The following SIRT1 variants were observed in gnomAD, a reference collection of about 807,000 sequenced individuals.
SIRT1 encodes the protein NAD-dependent protein deacetylase sirtuin-1.
Under a neutral mutation model 67.9 loss-of-function variants are expected in SIRT1, and 24 were observed. The observed-to-expected ratio is 0.35, with a 90% confidence interval of 0.26 to 0.50. The LOEUF (loss-of-function observed/expected upper bound fraction) is 0.50. SIRT1 is among the 20% of genes least tolerant of loss of function. The pLI, the probability that SIRT1 is intolerant of heterozygous loss-of-function variation, is 0.98. For missense variants in SIRT1, 873 were observed against 937.2 expected, an observed-to-expected ratio of 0.93 and a Z score of 0.89; for synonymous variants, 378 against 350.7, an observed-to-expected ratio of 1.08 and a Z score of -0.87.
chr10:67,915,276 C>T (rs984757760), intron 8 of SIRT1, among the ~76,000 whole-genome samples: 16 of 152,056 alleles, frequency 1.1e-4, no homozygotes, highest in Admixed American at 6.6e-4. Context: ...GTCTGGGATA[C>T]GGTACAATAA....
chr10:67,913,205 T>TG (rs1195061912), intron 8 of SIRT1, among the ~76,000 whole-genome samples, 174 bp downstream of exon 8: 3 of 152,214 alleles, frequency 2.0e-5, no homozygotes, highest in African/African-American at 7.2e-5. Flanking sequence ...TAACATGATA[T>TG]GGAGAAGGAA....
rs919162147 is a variant in SIRT1, at chr10:67,912,785, G to A, written c.1669G>A (p.Asp557Asn). 1 of 1,614,094 alleles carries A rather than the reference G, an allele frequency of 6.2e-7. No homozygotes were observed. The highest frequency in any genetic ancestry group is 1.3e-5 in the African/African-American group (1 of 75,044). The change falls in exon 8 of 9, where the codon GAC (aspartate) becomes AAC (asparagine). Residue 557 changes from aspartate (D) to asparagine (N), a missense_variant. Coordinates refer to ENST00000212015, the MANE Select transcript of SIRT1 (RefSeq NM_012238.5). ...TTCTTCAGTGATTGTCACACTTTTA[G>A]ACCAAGCAGCTAAGAGTAATGATGA... Reference protein sequence around the residue: ...PDSSVIVTLLDQAAKSNDDLD... With the variant: ...PDSSVIVTLLNQAAKSNDDLD...
At chr10:67,907,403 G>A (rs563463100) in intron 5 of SIRT1, among the ~76,000 whole-genome samples, 2 of 148,860 alleles carry the variant, frequency 1.3e-5, no homozygotes, top group South Asian at 2.1e-4. Flanking sequence ...GCTGAGGCAC[G>A]AGAATCACTT....
Position 67,885,023 on chromosome 10 carries a change from G to A in SIRT1, c.302G>A (p.Gly101Glu), listed in dbSNP as rs892030271. 1.7e-5 allele frequency: 23 copies of A among 1,343,686 alleles called. No homozygotes were observed. Among genetic ancestry groups the A allele is most frequent in the African/African-American group, 4.6e-5 (3 of 65,382 alleles). 83.2% of individuals were successfully genotyped at this position (1,343,686 alleles called of 1,614,324 possible). ...EAQATAAAGE[G>E]DNGPGLQGPS... is the part of the protein sequence containing the mutation. ...CAGGCGACTGCGGCGGCTGGGGAAG[G>A]AGACAATGGGCCGGGCCTGCAGGGC... The change falls in exon 1 of 9, where the codon GGA becomes GAA. Residue 101 changes from glycine (G) to glutamate (E), a missense_variant. Gly to Glu is a moderately conservative substitution (Grantham distance 98). Transcript: ENST00000212015.
At position 67,906,999 on chromosome 10, in the gene SIRT1, A is replaced by G. The variant is rs750160415; in HGVS notation, c.1090+62A>G. The G allele has an allele frequency of 2.9e-5, 40 of 1,402,080 alleles. No individual in the cohort carries two copies. The Admixed American group carries it at 3.8e-4, about 13-fold the overall frequency. 86.9% of individuals were successfully genotyped at this position (1,402,080 alleles called of 1,614,324 possible). Reference sequence around the variant, plus strand: ...TTAGTTTTATAGGAAGATATTTCCTATAAAGCTGACTGCCATCGAGAAGTG... The same window carrying G: ...TTAGTTTTATAGGAAGATATTTCCTGTAAAGCTGACTGCCATCGAGAAGTG... On this transcript the variant is annotated intron_variant, in intron 5 of 8. Coordinates refer to ENST00000212015, the MANE Select transcript of SIRT1 (RefSeq NM_012238.5).
At position 67,912,794 on chromosome 10, in the gene SIRT1, G is replaced by T; in HGVS notation, c.1678G>T (p.Ala560Ser). ...GATTGTCACACTTTTAGACCAAGCAGCTAAGAGTAATGATGATTTAGATGT... is the reference window on the plus strand; with the variant it reads ...GATTGTCACACTTTTAGACCAAGCATCTAAGAGTAATGATGATTTAGATGT... ...SVIVTLLDQA[A>S]KSNDDLDVSE... Residue 560 changes from alanine (A) to serine (S), a missense_variant, in exon 8 of 9, where the codon GCT becomes TCT. Physicochemically the swap from Ala to Ser is moderately conservative, Grantham distance 99. This residue lies in a region of SIRT1 where 295 missense variants were observed against 294.5 expected (regional missense o/e 1.00). Coordinates refer to ENST00000212015, the MANE Select transcript of SIRT1 (RefSeq NM_012238.5). The T allele has an allele frequency of 6.2e-7, 1 of 1,614,132 alleles. No homozygotes were observed. Among genetic ancestry groups the T allele is most frequent in the East Asian group, 2.2e-5 (1 of 44,870 alleles).
chr10:67,903,667 A>G (rs1035224874), intron 4 of SIRT1, among the ~76,000 whole-genome samples: 1 of 152,274 alleles, frequency 6.6e-6, no homozygotes, highest in Admixed American at 6.5e-5. Flanking sequence ...GATTACAGGC[A>G]TGAGCCACCA....
chr10:67,913,076 CAG>C, intron 8 of SIRT1, 45 bp downstream of exon 8: 1 of 1,534,776 alleles, frequency 6.5e-7, no homozygotes, highest in East Asian at 2.3e-5. Context: ...AATGTCATAA[CAG>C]TATTTCCAAA....
rs1401398689 is a variant in SIRT1 at position 67,904,127 on chromosome 10, G to GTTTTTTTTTTTTT, written c.943-2655_943-2643dup. 5.0e-5 allele frequency among the ~76,000 whole-genome samples: 7 copies of GTTTTTTTTTTTTT among 140,044 alleles called. 1 individual carries two copies. The highest frequency in any genetic ancestry group is 7.6e-5 in the Non-Finnish European group (5 of 65,562). 91.9% of individuals were successfully genotyped at this position (140,044 alleles called of 152,430 possible). A position where few individuals can be genotyped will look rare whatever the true frequency, so the allele number is the denominator to read the frequency against. ...TCAGATTTTTTAGTTTTTTTTGTTT[G>GTTTTTTTTTTTTT]TTTTTTTTTTTTTTTTTTTTAAAGG... On this transcript the variant is annotated intron_variant, in intron 4 of 8. Transcript: ENST00000212015.
intron 4 of SIRT1, among the ~76,000 whole-genome samples, chr10:67,903,591 C>T (rs1374866292): frequency 6.6e-6 from 1 of 151,894 alleles, no homozygotes; most frequent in African/African-American, 2.4e-5. Flanking sequence ...GTTTCACCAT[C>T]TTAGCCAGGA....
At chr10:67,885,329 T>C (rs1483082813) in intron 1 of SIRT1, 178 bp downstream of exon 1, 2 of 1,239,370 alleles carry the variant, frequency 1.6e-6, no homozygotes, top group African/African-American at 3.1e-5. Flanking sequence ...CTGCGCGAGC[T>C]GCCAGTGGAT....
chr10:67,914,072 T>C (rs2131892144), intron 8 of SIRT1, among the ~76,000 whole-genome samples: 1 of 136,408 alleles, frequency 7.3e-6, no homozygotes, highest in African/African-American at 2.8e-5. Flanking sequence ...TTTTTTTTTT[T>C]TTTTTTTTTT....
chr10:67,888,793 C>T lies in SIRT1; in HGVS notation c.548-89C>T, dbSNP rs1292999497. On this transcript the variant is annotated intron_variant, in intron 2 of 8. Coordinates refer to ENST00000212015, the MANE Select transcript of SIRT1 (RefSeq NM_012238.5). ...ATTTTCTTACTTTGCAAAAAACCCTCACAGAATGCTAACTCATTACTTCAG... is the reference window on the plus strand; with the variant it reads ...ATTTTCTTACTTTGCAAAAAACCCTTACAGAATGCTAACTCATTACTTCAG... 4 of 1,443,982 alleles carry T rather than the reference C, an allele frequency of 2.8e-6. No homozygotes were observed. The Admixed American group carries it at 6.8e-5, about 25-fold the overall frequency. The allele number at this position is 1,443,982 out of a possible 1,614,324, so 89.4% of individuals were successfully genotyped here.
At position 67,916,397 on chromosome 10, in the gene SIRT1, C is replaced by T. The variant is rs1055202028; in HGVS notation, c.2048C>T (p.Pro683Leu). 1.3e-5 allele frequency: 21 copies of T among 1,613,924 alleles called. No homozygotes were observed. Among genetic ancestry groups the T allele is most frequent in the Non-Finnish European group, 1.8e-5 (21 of 1,180,026 alleles). ...SNSDSGTCQS[P>L]SLEEPMEDES... is the part of the protein sequence containing the mutation. ...AGTGATAGTGGGACATGCCAGAGTC[C>T]AAGTTTAGAAGAACCCATGGAGGAT... is the stretch of plus-strand genomic sequence containing the variant. Residue 683 changes from proline to leucine, a missense_variant, in exon 9 of 9, where the codon CCA (proline) becomes CTA (leucine). Around this residue, in one of 3 missense-constraint regions of SIRT1, gnomAD observed 295 missense variants for 294.5 expected, o/e 1.00. Transcript: ENST00000212015.
chr10:67,891,359 G>C, intron 3 of SIRT1, 43 bp from the exon 4 acceptor site: 1 of 1,587,636 alleles, frequency 6.3e-7, no homozygotes, highest in Non-Finnish European at 8.6e-7. Flanking sequence ...TTCCTATAAA[G>C]GTAGAAGATT....
intron 8 of SIRT1, among the ~76,000 whole-genome samples, chr10:67,913,856 T>C (rs1299224857): frequency 6.6e-6 from 1 of 152,208 alleles, no homozygotes; most frequent in Non-Finnish European, 1.5e-5. Context: ...ATTCCAGTCA[T>C]TTGCTGTAAA....
chr10:67,916,260 T>G lies in SIRT1; in HGVS notation c.1916-5T>G. ...GAAAGTAACATTTTTATTACTGTATTTCAGGTAATCAGTATCTGTTTTTGC... is the reference window on the plus strand; with the variant it reads ...GAAAGTAACATTTTTATTACTGTATGTCAGGTAATCAGTATCTGTTTTTGC... On this transcript the variant is annotated splice_region_variant and splice_polypyrimidine_tract_variant and intron_variant, in intron 8 of 8. Coordinates refer to ENST00000212015, the MANE Select transcript of SIRT1 (RefSeq NM_012238.5). 6.3e-7 allele frequency: 1 copy of G among 1,592,852 alleles called. No individual in the cohort carries two copies. The highest frequency in any genetic ancestry group is 8.6e-7 in the Non-Finnish European group (1 of 1,163,700).
rs954607260 is a variant in SIRT1, at chr10:67,884,766, C to A, written c.45C>A (p.Pro15=). 4.1e-6 allele frequency: 5 copies of A among 1,228,216 alleles called. No homozygotes were observed. The highest frequency in any genetic ancestry group is 3.1e-4 in the Middle Eastern group (1 of 3,220). 76.1% of individuals were successfully genotyped at this position (1,228,216 alleles called of 1,614,324 possible). Residue 15 remains proline (P), a synonymous_variant, in exon 1 of 9, where the codon CCC becomes CCA. Coordinates refer to ENST00000212015, the MANE Select transcript of SIRT1 (RefSeq NM_012238.5). ...AALALQPGGS[P]SAAGADREAA... Reference sequence around the variant, plus strand: ...TCGCCCTTCAGCCCGGCGGCTCCCCCTCGGCGGCGGGGGCCGACAGGGAGG... The same window carrying A: ...TCGCCCTTCAGCCCGGCGGCTCCCCATCGGCGGCGGGGGCCGACAGGGAGG...
chr10:67,896,122 A>T (rs997209477), intron 4 of SIRT1, among the ~76,000 whole-genome samples: 7 of 152,044 alleles, frequency 4.6e-5, no homozygotes, highest in African/African-American at 1.7e-4. Context: ...AGTTTCTTAA[A>T]TTTGGCACTA....
Sources: gnomAD v4.1 joint callset for allele counts (sites outside exome capture counted in the v4.1 genomes callset) on GRCh38, gnomAD v4.1.1 for gene constraint, gnomAD v4.1.1 regional missense constraint, MANE v1.5 for transcripts, NCBI Gene and HGNC (gene_info 2026-07-23, HGNC 2026-07-21) for gene names.